The following TMEM39A variants were observed in gnomAD, a reference collection of about 807,000 sequenced individuals.
TMEM39A encodes transmembrane protein 39A, also known as suppressor of SQST-1 aggregates in rpl-43 mutants.
A neutral mutation model predicts 51.9 loss-of-function variants in TMEM39A; 19 were observed. The observed-to-expected ratio is 0.37, with a 90% CI of 0.26 to 0.54. TMEM39A has a LOEUF of 0.54. Among genes scored for constraint, TMEM39A ranks in the 20% least tolerant of loss-of-function variants. TMEM39A has a pLI of 0.88. For synonymous variants in TMEM39A, 197 were observed against 220.2 expected, an observed-to-expected ratio of 0.89 and a Z score of 0.93; for missense variants, 433 against 590.5, an observed-to-expected ratio of 0.73 and a Z score of 2.76.
At chr3:119,462,846 T>C (rs2107697283) in intron 1 of TMEM39A, among the ~76,000 whole-genome samples, 1 of 150,020 alleles carries the variant, frequency 6.7e-6, no homozygotes, top group African/African-American at 2.5e-5. Flanking sequence ...CAGAAATTAC[T>C]GAAACTGCAA....
Position 119,463,540 on chromosome 3 carries a change from C to T in TMEM39A, c.-279G>A. The T allele has an allele frequency of 2.5e-6, 1 of 398,866 alleles. No individual in the cohort carries two copies. Among genetic ancestry groups the T allele is most frequent in the Non-Finnish European group, 4.4e-6 (1 of 226,250 alleles). The allele number at this position is 398,866 out of a possible 1,614,324, so 24.7% of individuals were successfully genotyped here. ...CTCAGACCCAGACTCCGACGCAGTT[C>T]CAGTGCCAGAGCTAAAGCTAGAGCC... On this transcript the variant is annotated 5_prime_UTR_variant, in exon 1 of 9. Coordinates refer to ENST00000319172, the MANE Select transcript of TMEM39A (RefSeq NM_018266.3).
intron 4 of TMEM39A, among the ~76,000 whole-genome samples, chr3:119,448,600 AGC>A (rs1320827327): frequency 1.3e-5 from 2 of 152,242 alleles, no homozygotes; most frequent in Non-Finnish European, 2.9e-5. Flanking sequence ...GAACGGCTTA[AGC>A]CTCAAACTGT....
chr3:119,461,286 A>G (rs2081333903), intron 2 of TMEM39A, among the ~76,000 whole-genome samples: 1 of 152,188 alleles, frequency 6.6e-6, no homozygotes, highest in Admixed American at 6.5e-5. Flanking sequence ...GAGGGATTGG[A>G]AAGTCAGGAA....
chr3:119,431,494 C>T lies in TMEM39A; in HGVS notation c.*487G>A, dbSNP rs912040236. 7 of 152,252 alleles carry T rather than the reference C, an allele frequency of 4.6e-5. No homozygotes were observed. The highest frequency in any genetic ancestry group is 1.7e-4 in the African/African-American group (7 of 41,400). 9.4% of individuals were successfully genotyped at this position (152,252 alleles called of 1,614,324 possible). A position where few individuals can be genotyped will look rare whatever the true frequency, so the allele number is the denominator to read the frequency against. On this transcript the variant is annotated 3_prime_UTR_variant, in exon 9 of 9. Transcript: ENST00000319172. ...TCTCCTGGTAGGCAACAAAGAGAAC[C>T]CCACCTAGGACTTTAACCCACTCTT...
intron 5 of TMEM39A, chr3:119,446,683 C>A (rs1393995523): frequency 1.1e-5 from 2 of 182,138 alleles, no homozygotes; most frequent in African/African-American, 2.4e-5. Flanking sequence ...GGTTTTCGAA[C>A]CAGTGCATTC....
intron 2 of TMEM39A, 78 bp downstream of exon 2, chr3:119,461,884 G>C (rs1229650941): frequency 2.7e-6 from 3 of 1,127,266 alleles, no homozygotes; most frequent in Non-Finnish European, 3.8e-6. Flanking sequence ...GCAAATATCT[G>C]AATGACATGA....
intron 4 of TMEM39A, among the ~76,000 whole-genome samples, chr3:119,450,068 C>G (rs1026300541): frequency 6.6e-6 from 1 of 152,206 alleles, no homozygotes. Flanking sequence ...TAGGTTTTAT[C>G]CATCTAATTT....
chr3:119,445,644 C>T (rs918142329), intron 5 of TMEM39A, among the ~76,000 whole-genome samples: 9 of 152,198 alleles, frequency 5.9e-5, no homozygotes, highest in Non-Finnish European at 1.3e-4. Flanking sequence ...ATGATACACA[C>T]ATGCTGAAGT....
intron 7 of TMEM39A, chr3:119,435,104 T>C (rs1021427041): frequency 5.1e-6 from 5 of 985,032 alleles, no homozygotes; most frequent in Non-Finnish European, 6.0e-6. Context: ...CAAAGAAATA[T>C]AGTTAACTCA....
At chr3:119,432,769 T>TA (rs1188218566) in intron 8 of TMEM39A, among the ~76,000 whole-genome samples, 2 of 152,126 alleles carry the variant, frequency 1.3e-5, no homozygotes, top group African/African-American at 4.8e-5. Context: ...AGTTTTTCCT[T>TA]AAACTGTTTA....
At chr3:119,461,084 A>C (rs1277793754) in intron 2 of TMEM39A, among the ~76,000 whole-genome samples, 1 of 152,242 alleles carries the variant, frequency 6.6e-6, no homozygotes, top group Non-Finnish European at 1.5e-5. Context: ...TTTTAAAATA[A>C]GGAAATCCAA....
intron 7 of TMEM39A, chr3:119,435,577 TAA>T (rs766264250): frequency 2.5e-5 from 20 of 799,720 alleles, no homozygotes; most frequent in Non-Finnish European, 2.3e-5. Flanking sequence ...TTAAGCTTTT[TAA>T]AAAAAAAAAA....
At chr3:119,448,579 A>T (rs2081158143) in intron 4 of TMEM39A, among the ~76,000 whole-genome samples, 2 of 152,354 alleles carry the variant, frequency 1.3e-5, no homozygotes, top group South Asian at 4.1e-4. Context: ...CAGTTGAATA[A>T]ATGCCATAAT....
At chr3:119,447,589 A>G (rs1463465255) in intron 4 of TMEM39A, among the ~76,000 whole-genome samples, 3 of 151,998 alleles carry the variant, frequency 2.0e-5, no homozygotes, top group East Asian at 3.8e-4. Context: ...TATTTTAACA[A>G]CTTAACCAGT....
Position 119,429,405 on chromosome 3 carries a change from A to C in TMEM39A, c.*2576T>G, listed in dbSNP as rs2080871761. The C allele has an allele frequency of 6.6e-6, 1 of 151,966 alleles. No homozygotes were observed. Among genetic ancestry groups the C allele is most frequent in the South Asian group, 2.1e-4 (1 of 4,804 alleles). 9.4% of individuals were successfully genotyped at this position (151,966 alleles called of 1,614,324 possible). ...CACCTTAGACCACCCAGACTAGTCA[A>C]GTATCTTCTTTCCTTTTCCAGTATC... On this transcript the variant is annotated 3_prime_UTR_variant, in exon 9 of 9. Transcript: ENST00000319172.
At chr3:119,434,118 G>A (rs2080936269) in intron 8 of TMEM39A, among the ~76,000 whole-genome samples, 1 of 152,112 alleles carries the variant, frequency 6.6e-6, no homozygotes, top group Non-Finnish European at 1.5e-5. Context: ...ACTTGCATTA[G>A]TCAGCTGGCC....
intron 4 of TMEM39A, among the ~76,000 whole-genome samples, chr3:119,448,073 G>C (rs2081151293): frequency 6.6e-6 from 1 of 152,144 alleles, no homozygotes; most frequent in Non-Finnish European, 1.5e-5. Flanking sequence ...AATTAGTGAA[G>C]TTTCAAAAAA....
rs1219649505 is a variant in TMEM39A at position 119,431,698 on chromosome 3, T to C, written c.*283A>G. 4 of 221,178 alleles carry C rather than the reference T, an allele frequency of 1.8e-5. No homozygotes were observed. The East Asian group carries it at 4.0e-4, about 22-fold the overall frequency. 13.7% of individuals were successfully genotyped at this position (221,178 alleles called of 1,614,324 possible). A position where few individuals can be genotyped will look rare whatever the true frequency, so the allele number is the denominator to read the frequency against. ...GTACTGTGTCAAGTAATACATGAGA[T>C]GTGTTCATAAACGAATGAGTTATTC... On this transcript the variant is annotated 3_prime_UTR_variant, in exon 9 of 9. Transcript: ENST00000319172.
intron 5 of TMEM39A, among the ~76,000 whole-genome samples, chr3:119,438,545 G>A (rs929063246): frequency 1.1e-4 from 16 of 152,238 alleles, no homozygotes; most frequent in South Asian, 2.1e-4. Context: ...TCCCTGTGTA[G>A]TGAGTATTTT....
Sources: gnomAD v4.1 joint callset for allele counts (sites outside exome capture counted in the v4.1 genomes callset) on GRCh38, gnomAD v4.1.1 for gene constraint, MANE v1.5 for transcripts, NCBI Gene and HGNC (gene_info 2026-07-23, HGNC 2026-07-21) for gene names.